The following MCU variants were observed in gnomAD, a reference collection of about 807,000 sequenced individuals.
MCU encodes calcium uniporter protein, mitochondrial.
MCU carries 12 observed loss-of-function variants against 45.2 expected under a neutral mutation model. The ratio of observed to expected loss-of-function variants is 0.27; its 90% CI spans 0.17 to 0.43. The LOEUF is 0.43. MCU is among the 20% of genes least tolerant of loss of function. The probability of loss-of-function intolerance (pLI) is 1.00; values close to 1 mark genes in which losing one functional copy is unlikely to be tolerated. For synonymous variants in MCU, 160 were observed against 165.1 expected, an observed-to-expected ratio of 0.97 and a Z score of 0.24; for missense variants, 324 against 436.7, an observed-to-expected ratio of 0.74 and a Z score of 2.30.
At chr10:72,822,606 AT>A (rs1462258783) in intron 1 of MCU, among the ~76,000 whole-genome samples, 2 of 152,246 alleles carry the variant, frequency 1.3e-5, no homozygotes, top group Non-Finnish European at 2.9e-5. Context: ...GCTCAACATC[AT>A]TACTTATAAG....
chr10:72,742,837 A>G (rs539236450), intron 1 of MCU, among the ~76,000 whole-genome samples: 1 of 152,294 alleles, frequency 6.6e-6, no homozygotes, highest in Admixed American at 6.5e-5. Flanking sequence ...AGATGTAATT[A>G]GAGTGGCAGC....
chr10:72,826,550 T>C (rs2132823145), intron 1 of MCU, among the ~76,000 whole-genome samples: 1 of 152,312 alleles, frequency 6.6e-6, no homozygotes, highest in South Asian at 2.1e-4. Flanking sequence ...TGGCACTGTG[T>C]AAGGAAATAT....
chr10:72,883,501 T>G (rs1338322708), intron 6 of MCU, among the ~76,000 whole-genome samples: 2 of 152,236 alleles, frequency 1.3e-5, no homozygotes, highest in Non-Finnish European at 2.9e-5. Flanking sequence ...CTCATAATCC[T>G]GCTGATAGAA....
At chr10:72,696,802 C>T (rs747792002) in intron 1 of MCU, among the ~76,000 whole-genome samples, 12 of 152,116 alleles carry the variant, frequency 7.9e-5, no homozygotes, top group Non-Finnish European at 1.3e-4. Flanking sequence ...CTCCCTATCC[C>T]CCTACCCCCA....
intron 1 of MCU, among the ~76,000 whole-genome samples, chr10:72,722,952 T>A (rs1360987678): frequency 6.6e-6 from 1 of 152,118 alleles, no homozygotes; most frequent in Non-Finnish European, 1.5e-5. Flanking sequence ...ATCCCAGCAC[T>A]TTGGGAGGCT....
intron 1 of MCU, among the ~76,000 whole-genome samples, chr10:72,826,211 G>C (rs1844796578): frequency 6.6e-6 from 1 of 152,168 alleles, no homozygotes; most frequent in Admixed American, 6.5e-5. Context: ...GCTCCCAGGT[G>C]ATGCTGATGC....
chr10:72,741,709 T>C (rs760960208), intron 1 of MCU, among the ~76,000 whole-genome samples: 3 of 152,164 alleles, frequency 2.0e-5, no homozygotes, highest in Non-Finnish European at 4.4e-5. Flanking sequence ...TTCTTATCCT[T>C]TTCTGTGTAT....
intron 1 of MCU, among the ~76,000 whole-genome samples, chr10:72,823,555 C>A (rs1310077595): frequency 3.9e-5 from 6 of 152,110 alleles, no homozygotes; most frequent in African/African-American, 1.4e-4. Context: ...TTGATCTTCC[C>A]TTTTATACTG....
At chr10:72,746,252 A>G (rs1490492812) in intron 1 of MCU, among the ~76,000 whole-genome samples, 1 of 152,250 alleles carries the variant, frequency 6.6e-6, no homozygotes, top group Non-Finnish European at 1.5e-5. Context: ...AAAACCAAAA[A>G]GAAAAGGCCT....
intron 1 of MCU, among the ~76,000 whole-genome samples, chr10:72,744,816 G>T (rs773857311): frequency 3.3e-5 from 5 of 152,166 alleles, no homozygotes; most frequent in Non-Finnish European, 7.3e-5. Context: ...TTCTGAGTTG[G>T]AGATCATTAA....
At chr10:72,868,131 A>G (rs1845486028) in intron 4 of MCU, among the ~76,000 whole-genome samples, 2 of 152,112 alleles carry the variant, frequency 1.3e-5, no homozygotes, top group Admixed American at 1.3e-4. Context: ...TCTTAATGTT[A>G]ATCATGTCCT....
intron 1 of MCU, among the ~76,000 whole-genome samples, chr10:72,829,427 A>C (rs1187674997): frequency 6.6e-6 from 1 of 151,958 alleles, no homozygotes; most frequent in Non-Finnish European, 1.5e-5. Flanking sequence ...GCCAAGATTT[A>C]ACTTAATTAA....
rs1411082880 is a variant in MCU at position 72,860,043 on chromosome 10, A to G, written c.392-380A>G. On this transcript the variant is annotated intron_variant, in intron 3 of 7. Transcript: ENST00000373053. Reference sequence around the variant, plus strand: ...TATCTCTACTGAATTATTGGCAACTAATCAGTGACTATACTGAAAAGTACC... The same window carrying G: ...TATCTCTACTGAATTATTGGCAACTGATCAGTGACTATACTGAAAAGTACC... The G allele has an allele frequency of 1.7e-5, 3 of 174,982 alleles. No individual in the cohort carries two copies. The East Asian group carries it at 4.4e-4, about 26-fold the overall frequency. The allele number at this position is 174,982 out of a possible 1,614,324, so 10.8% of individuals were successfully genotyped here.
chr10:72,857,915 A>G (rs1458363902), intron 2 of MCU, among the ~76,000 whole-genome samples: 2 of 152,204 alleles, frequency 1.3e-5, no homozygotes, highest in Non-Finnish European at 2.9e-5. Context: ...AAAATCTTAA[A>G]CATCTGAGTT....
intron 6 of MCU, among the ~76,000 whole-genome samples, chr10:72,874,464 A>G (rs1318341037): frequency 6.6e-6 from 1 of 152,238 alleles, no homozygotes; most frequent in Non-Finnish European, 1.5e-5. Flanking sequence ...GTTGCATCTC[A>G]TATTTAATAT....
At chr10:72,798,288 CTATT>C (rs968366822) in intron 1 of MCU, among the ~76,000 whole-genome samples, 1 of 152,022 alleles carries the variant, frequency 6.6e-6, no homozygotes, top group African/African-American at 2.4e-5. Context: ...AAGGTGCCCA[CTATT>C]TGTTTGTTTG....
intron 1 of MCU, among the ~76,000 whole-genome samples, chr10:72,798,966 C>T (rs112009241): frequency 2.6e-5 from 4 of 152,028 alleles, no homozygotes; most frequent in African/African-American, 7.2e-5. Flanking sequence ...TTTTTCGAGA[C>T]GGAGTCTCAC....
chr10:72,881,983 C>A (rs536201092), intron 6 of MCU, among the ~76,000 whole-genome samples: 1 of 152,186 alleles, frequency 6.6e-6, no homozygotes, highest in Non-Finnish European at 1.5e-5. Context: ...ACGGAGGGAC[C>A]GGCTGAAGCC....
At chr10:72,805,159 C>CTTTCTT (rs1396432429) in intron 1 of MCU, among the ~76,000 whole-genome samples, 1 of 137,932 alleles carries the variant, frequency 7.2e-6, no homozygotes, top group African/African-American at 3.1e-5. Flanking sequence ...TTCTTTCTTT[C>CTTTCTT]TGTCTCTCTC....
Sources: gnomAD v4.1 joint callset for allele counts (sites outside exome capture counted in the v4.1 genomes callset) on GRCh38, gnomAD v4.1.1 for gene constraint, MANE v1.5 for transcripts, NCBI Gene and HGNC (gene_info 2026-07-23, HGNC 2026-07-21) for gene names.